Variants in ZNF626 observed in about 807,000 individuals in gnomAD.
The protein encoded by ZNF626 is CTC-513N18.7.
Under a neutral mutation model 11.7 loss-of-function variants are expected in ZNF626, and 4 were observed. The observed-to-expected ratio is 0.34, with a 90% CI of 0.17 to 0.78. ZNF626 has a LOEUF of 0.78. Ranked by LOEUF, ZNF626 falls within the 30% of genes least tolerant of loss-of-function variation. ZNF626 has a pLI of 0.57. For synonymous variants in ZNF626, 179 were observed against 198.6 expected (o/e 0.90, Z 0.83); for missense variants, 588 against 587.1 (o/e 1.00, Z -0.01).
intron 3 of ZNF626, among the ~76,000 whole-genome samples, chr19:20,627,629 CAA>C (rs1474428822): frequency 6.6e-6 from 1 of 151,848 alleles, no homozygotes; most frequent in Non-Finnish European, 1.5e-5. Context: ...TCTTTCCAAT[CAA>C]GAGATATACT....
At chr19:20,627,372 A>G (rs868941558) in intron 3 of ZNF626, among the ~76,000 whole-genome samples, 1 of 152,232 alleles carries the variant, frequency 6.6e-6, no homozygotes, top group East Asian at 1.9e-4. Context: ...ACCACATTCA[A>G]ATATATTGTT....
rs1555771922 is a variant in ZNF626, at chr19:20,646,403, T to C, written c.6A>G (p.Gly2=). The stretch of plus-strand genomic sequence containing the variant: ...TGGCCACATCTCTAAATTGCAATGG[T>C]CCCTGAAAAACACACACACACACAT... The part of the protein sequence containing the change: M[G]PLQFRDVAIE... Residue 2 remains glycine, a splice_region_variant and synonymous_variant, in exon 2 of 4, where the codon GGA becomes GGG. Transcript: ENST00000601440. The C allele has an allele frequency of 6.2e-7, 1 of 1,613,812 alleles. No homozygotes were observed. Among genetic ancestry groups the C allele is most frequent in the East Asian group, 2.2e-5 (1 of 44,854 alleles).
chr19:20,633,386 G>A (rs1191950614), intron 3 of ZNF626, among the ~76,000 whole-genome samples: 2 of 118,280 alleles, frequency 1.7e-5, no homozygotes, highest in African/African-American at 4.1e-5. Context: ...CCCCAGAGGT[G>A]GAGCCTAAGA....
intron 3 of ZNF626, among the ~76,000 whole-genome samples, chr19:20,629,774 T>C (rs370298968): frequency 6.6e-6 from 1 of 152,304 alleles, no homozygotes; most frequent in East Asian, 1.9e-4. Context: ...CTTTATTTCC[T>C]TCTCCTGCCT....
At position 20,642,369 on chromosome 19, in the gene ZNF626, G is replaced by A. The variant is rs537873994; in HGVS notation, c.226+3315C>T. 1.5e-3 allele frequency among the ~76,000 whole-genome samples: 224 copies of A among 152,226 alleles called. 1 individual carries two copies. The highest frequency in any genetic ancestry group is 2.7e-3 in the Admixed American group (42 of 15,294). On this transcript the variant is annotated intron_variant, in intron 3 of 3. Transcript: ENST00000601440. ...AATTGCAGCACTTTGGAAGGCCAAGGTGGGCAGATCACAAGGTCAGAAGTT... is the reference window on the plus strand; with the variant it reads ...AATTGCAGCACTTTGGAAGGCCAAGATGGGCAGATCACAAGGTCAGAAGTT...
chr19:20,643,005 C>A, intron 3 of ZNF626, among the ~76,000 whole-genome samples: 1 of 133,980 alleles, frequency 7.5e-6, no homozygotes. Context: ...AGGGTAACTC[C>A]TTCTCAAAAA....
intron 3 of ZNF626, among the ~76,000 whole-genome samples, chr19:20,637,019 A>AG (rs1555770967): frequency 4.5e-5 from 2 of 44,738 alleles, no homozygotes; most frequent in Non-Finnish European, 7.4e-5. Context: ...ACTCCATCTC[A>AG]AAAAAAAAAA....
intron 1 of ZNF626, among the ~76,000 whole-genome samples, chr19:20,652,850 AG>A (rs1480475907): frequency 6.6e-6 from 1 of 152,188 alleles, no homozygotes; most frequent in Non-Finnish European, 1.5e-5. Flanking sequence ...TAGCAAGAGA[AG>A]GAAGAAAGAA....
intron 1 of ZNF626, among the ~76,000 whole-genome samples, chr19:20,655,109 C>CA (rs35688904): frequency 0.012 from 1,662 of 138,744 alleles, 30 homozygotes; most frequent in African/African-American, 0.037. Context: ...GAGACTGTCT[C>CA]AAAAAAAAAA....
At chr19:20,639,912 A>C (rs1259906618) in intron 3 of ZNF626, among the ~76,000 whole-genome samples, 1 of 152,200 alleles carries the variant, frequency 6.6e-6, no homozygotes, top group African/African-American at 2.4e-5. Context: ...TTCATTTTTC[A>C]CAAAATGTCA....
intron 3 of ZNF626, among the ~76,000 whole-genome samples, chr19:20,638,019 G>C (rs934477865): frequency 2.0e-5 from 3 of 151,878 alleles, no homozygotes; most frequent in Admixed American, 1.3e-4. Flanking sequence ...GCACATACTA[G>C]TAACCCAGCT....
chr19:20,657,737 G>A (rs1204117409), intron 1 of ZNF626, among the ~76,000 whole-genome samples: 3 of 151,970 alleles, frequency 2.0e-5, no homozygotes, highest in African/African-American at 7.3e-5. Context: ...TCCAGGAGGC[G>A]AAGGTTGCGG....
chr19:20,637,015 TCTC>T (rs1969972730), intron 3 of ZNF626, among the ~76,000 whole-genome samples: 1 of 49,196 alleles, frequency 2.0e-5, no homozygotes. Context: ...AAAGACTCCA[TCTC>T]AAAAAAAAAA....
intron 3 of ZNF626, among the ~76,000 whole-genome samples, chr19:20,642,939 A>G (rs1970038737): frequency 6.6e-6 from 1 of 151,624 alleles, no homozygotes; most frequent in Non-Finnish European, 1.5e-5. Context: ...TGAACCCGGA[A>G]GGTGAAGGTT....
Position 20,623,992 on chromosome 19 carries a change from G to T in ZNF626, c.*298C>A. 3.6e-6 allele frequency: 2 copies of T among 552,698 alleles called. No homozygotes were observed. Among genetic ancestry groups the T allele is most frequent in the Non-Finnish European group, 3.3e-6 (1 of 303,486 alleles). 34.2% of individuals were successfully genotyped at this position (552,698 alleles called of 1,614,324 possible). On this transcript the variant is annotated 3_prime_UTR_variant, in exon 4 of 4. Coordinates refer to ENST00000601440, the MANE Select transcript of ZNF626 (RefSeq NM_001076675.3). ...GTTAGAAATTGAGGGCTGGTTAAAAGATTTTCCCCATTCATCACATTCACA... is the reference window on the plus strand; with the variant it reads ...GTTAGAAATTGAGGGCTGGTTAAAATATTTTCCCCATTCATCACATTCACA...
At chr19:20,635,438 T>C (rs1969955772) in intron 3 of ZNF626, among the ~76,000 whole-genome samples, 2 of 152,186 alleles carry the variant, frequency 1.3e-5, no homozygotes, top group Non-Finnish European at 2.9e-5. Flanking sequence ...TTCCTCTGCC[T>C]CAGCCTTCTC....
At chr19:20,626,963 T>C (rs1555769834) in intron 3 of ZNF626, among the ~76,000 whole-genome samples, 1 of 151,916 alleles carries the variant, frequency 6.6e-6, no homozygotes. Context: ...AGCTATGAGC[T>C]GAGATGGCGC....
intron 1 of ZNF626, among the ~76,000 whole-genome samples, chr19:20,656,454 TAA>T (rs1421999907): frequency 6.6e-6 from 1 of 152,082 alleles, no homozygotes; most frequent in Non-Finnish European, 1.5e-5. Flanking sequence ...CTATTTAAAC[TAA>T]AGAGCTTCTT....
chr19:20,644,503 T>C (rs1555771721), intron 3 of ZNF626, among the ~76,000 whole-genome samples: 1 of 152,146 alleles, frequency 6.6e-6, no homozygotes, highest in Non-Finnish European at 1.5e-5. Flanking sequence ...GGGCATCTCA[T>C]CACCCTAAGG....
Sources: allele counts gnomAD v4.1 joint callset (sites outside exome capture counted in the v4.1 genomes callset), GRCh38; gene constraint gnomAD v4.1.1; transcripts MANE v1.5; gene names NCBI Gene and HGNC (gene_info 2026-07-23, HGNC 2026-07-21).